Variants in ITSN2 observed in about 807,000 individuals in gnomAD.
ITSN2 encodes intersectin-2.
A neutral mutation model predicts 243.7 loss-of-function variants in ITSN2; 156 were observed. The observed-to-expected ratio is 0.64, with a 90% CI of 0.56 to 0.73. The LOEUF is 0.73. Ranked by LOEUF, ITSN2 falls within the 30% of genes least tolerant of loss-of-function variation. ITSN2 has a pLI of 0.00. For synonymous variants in ITSN2, 703 were observed against 699.9 expected, an observed-to-expected ratio of 1.00 and a Z score of -0.07; for missense variants, 1,801 against 1,996.1, an observed-to-expected ratio of 0.90 and a Z score of 1.86.
chr2:24,232,971 T>A (rs1671775144), intron 29 of ITSN2, among the ~76,000 whole-genome samples: 1 of 152,172 alleles, frequency 6.6e-6, no homozygotes, highest in East Asian at 1.9e-4. Context: ...ACAAGGCCCT[T>A]ACTCTAACTC....
At chr2:24,337,330 A>ACATATATATATATATATG (rs1553395896) in intron 1 of ITSN2, among the ~76,000 whole-genome samples, 1 of 98,686 alleles carries the variant, frequency 1.0e-5, no homozygotes, top group African/African-American at 4.2e-5. Flanking sequence ...ATATATATAT[A>ACATATATATATATATATG]TATATATATA....
chr2:24,284,475 T>C (rs1010429010), intron 17 of ITSN2, among the ~76,000 whole-genome samples: 1 of 152,228 alleles, frequency 6.6e-6, no homozygotes, highest in Non-Finnish European at 1.5e-5. Context: ...CTTTATCAGT[T>C]AACCCACTCC....
At chr2:24,295,945 T>C (rs1396375716) in intron 13 of ITSN2, 141 bp from the exon 14 acceptor site, 15 of 576,856 alleles carry the variant, frequency 2.6e-5, no homozygotes. Context: ...TAAAACCAAG[T>C]GGAATGTGTT....
chr2:24,297,527 TTG>T (rs980610411), intron 13 of ITSN2, among the ~76,000 whole-genome samples: 41 of 151,768 alleles, frequency 2.7e-4, no homozygotes, highest in Admixed American at 5.9e-4. Flanking sequence ...TTCAAATCAG[TTG>T]TCTTTTTAAT....
intron 15 of ITSN2, among the ~76,000 whole-genome samples, chr2:24,288,785 T>C (rs1325064200): frequency 4.6e-5 from 7 of 152,202 alleles, no homozygotes; most frequent in Non-Finnish European, 1.0e-4. Context: ...CCTATCTAAC[T>C]GAAATGTTGA....
chr2:24,253,958 C>T (rs1254174167), intron 24 of ITSN2, among the ~76,000 whole-genome samples: 1 of 152,122 alleles, frequency 6.6e-6, no homozygotes, highest in Non-Finnish European at 1.5e-5. Context: ...AAATTCTTTG[C>T]AATACTTATG....
rs754397722 is a variant in ITSN2 at position 24,313,492 on chromosome 2, T to C, written c.156A>G (p.Ser52=). The C allele has an allele frequency of 1.9e-6, 3 of 1,613,466 alleles. No individual in the cohort carries two copies. Among genetic ancestry groups the C allele is most frequent in the Non-Finnish European group, 2.5e-6 (3 of 1,179,616 alleles). The part of the protein sequence containing the change: ...GDQARNFFLQ[S]GLPAPVLAEI... ...CAGCTAAAACAGGGGCCGGCAGACC[T>C]GATTGTAGGAAAAAATTACGTGCTT... Residue 52 remains serine (S), a synonymous_variant, in exon 4 of 40, where the codon TCA becomes TCG. Transcript: ENST00000355123.
chr2:24,277,986 AGTT>A (rs1293294758), intron 17 of ITSN2, among the ~76,000 whole-genome samples: 1 of 152,170 alleles, frequency 6.6e-6, no homozygotes, highest in Non-Finnish European at 1.5e-5. Flanking sequence ...TGCCTCACAG[AGTT>A]GTTGTGAGGA....
At chr2:24,332,426 G>C (rs1168879859) in intron 1 of ITSN2, among the ~76,000 whole-genome samples, 2 of 151,890 alleles carry the variant, frequency 1.3e-5, no homozygotes, top group East Asian at 3.9e-4. Flanking sequence ...TAAAACCTGA[G>C]AATGAACTAA....
intron 15 of ITSN2, among the ~76,000 whole-genome samples, chr2:24,287,503 G>T (rs1004284936): frequency 6.6e-6 from 1 of 152,050 alleles, no homozygotes; most frequent in Admixed American, 6.5e-5. Context: ...TTAGCATAAG[G>T]GAGCGCAAAT....
intron 5 of ITSN2, among the ~76,000 whole-genome samples, chr2:24,311,123 A>T (rs911308109): frequency 7.2e-5 from 11 of 151,970 alleles, no homozygotes; most frequent in African/African-American, 2.2e-4. Flanking sequence ...ACTCCCCCCA[A>T]ACAAAAAGGT....
At chr2:24,336,918 G>A (rs1236932711) in intron 1 of ITSN2, among the ~76,000 whole-genome samples, 1 of 152,048 alleles carries the variant, frequency 6.6e-6, no homozygotes, top group African/African-American at 2.4e-5. Flanking sequence ...AAAAAGATGT[G>A]AATAAAGCAA....
chr2:24,274,194 G>A (rs1677729620), intron 18 of ITSN2, among the ~76,000 whole-genome samples: 1 of 152,146 alleles, frequency 6.6e-6, no homozygotes, highest in Admixed American at 6.5e-5. Flanking sequence ...CAGTAAATAA[G>A]AGCTGTAAGA....
chr2:24,322,530 T>C (rs1684695994), intron 2 of ITSN2, among the ~76,000 whole-genome samples: 1 of 152,116 alleles, frequency 6.6e-6, no homozygotes, highest in Admixed American at 6.5e-5. Flanking sequence ...GAACTGGATA[T>C]CCATATGAAA....
At chr2:24,217,817 T>G in intron 31 of ITSN2, 90 bp downstream of exon 31, 1 of 729,938 alleles carries the variant, frequency 1.4e-6, no homozygotes, top group Admixed American at 2.5e-5. Flanking sequence ...GAAGTTCCTT[T>G]GCTAAGAAGC....
intron 1 of ITSN2, among the ~76,000 whole-genome samples, chr2:24,342,530 C>T (rs1687141763): frequency 6.7e-6 from 1 of 148,602 alleles, no homozygotes; most frequent in Admixed American, 6.9e-5. Context: ...AGGACAGACT[C>T]CTTGATCTCG....
chr2:24,224,051 G>A (rs1194773578), intron 29 of ITSN2, among the ~76,000 whole-genome samples: 2 of 65,698 alleles, frequency 3.0e-5, no homozygotes, highest in African/African-American at 6.3e-5. Flanking sequence ...TCTGCTTGAC[G>A]AGGCTTTTGT....
rs571775051 is a variant in ITSN2, at chr2:24,220,984, G to C, written c.3660C>G (p.Thr1220=). The change falls in exon 30 of 40, where the codon ACC becomes ACG. Residue 1220 remains threonine, a synonymous_variant. Coordinates refer to ENST00000355123, the MANE Select transcript of ITSN2 (RefSeq NM_006277.3). ...GAAGGTCAGCCATGTACCGCTCTTC[G>C]GTCTGAATCAGCTCATGAATATAGC... The part of the protein sequence containing the change: ...RQGYIHELIQ[T]EERYMADLQL... The C allele has an allele frequency of 2.5e-6, 4 of 1,608,342 alleles. No homozygotes were observed. The highest frequency in any genetic ancestry group is 2.3e-5 in the East Asian group (1 of 44,362).
intron 12 of ITSN2, among the ~76,000 whole-genome samples, chr2:24,299,173 G>A (rs919337296): frequency 2.0e-5 from 3 of 151,886 alleles, no homozygotes; most frequent in African/African-American, 7.3e-5. Flanking sequence ...TGGGATTACA[G>A]GCACACACCA....
Sources: allele counts gnomAD v4.1 joint callset (sites outside exome capture counted in the v4.1 genomes callset), GRCh38; gene constraint gnomAD v4.1.1; transcripts MANE v1.5; gene names NCBI Gene and HGNC (gene_info 2026-07-23, HGNC 2026-07-21).